Variants in TBC1D14 observed in about 807,000 individuals in gnomAD.
TBC1D14 encodes the protein TBC1 domain family member 14, also known as TBC1 domain family, member 14.
A neutral mutation model predicts 79.0 loss-of-function variants in TBC1D14; 26 were observed. That is an observed-to-expected ratio of 0.33 (90% CI 0.24 to 0.46). TBC1D14 has a LOEUF of 0.46. TBC1D14 is among the 20% of genes least tolerant of loss of function. The probability of loss-of-function intolerance (pLI) is 1.00; values close to 1 mark genes in which losing one functional copy is unlikely to be tolerated. For missense variants in TBC1D14, 769 were observed against 887.6 expected, an observed-to-expected ratio of 0.87 and a Z score of 1.70; for synonymous variants, 394 against 349.9, an observed-to-expected ratio of 1.13 and a Z score of -1.40.
At position 7,030,660 on chromosome 4, in the gene TBC1D14, G is replaced by A; in HGVS notation, c.*268G>A. Reference sequence around the variant, plus strand: ...CTGCACAGTTGAACGATGGGCAGTGGCTCACCCCCACTCCTTTATTTCAGC... The same window carrying A: ...CTGCACAGTTGAACGATGGGCAGTGACTCACCCCCACTCCTTTATTTCAGC... On this transcript the variant is annotated 3_prime_UTR_variant, in exon 14 of 14. Transcript: ENST00000409757. 1 of 369,916 alleles carries A rather than the reference G, an allele frequency of 2.7e-6. No homozygotes were observed. The highest frequency in any genetic ancestry group is 5.1e-6 in the Non-Finnish European group (1 of 194,638). 22.9% of individuals were successfully genotyped at this position (369,916 alleles called of 1,614,324 possible).
chr4:6,916,757 C>G (rs1334457177), intron 1 of TBC1D14, among the ~76,000 whole-genome samples: 1 of 152,204 alleles, frequency 6.6e-6, no homozygotes, highest in South Asian at 2.1e-4. Context: ...TCCTCTTATC[C>G]GTACTTCACA....
At chr4:7,007,292 G>C (rs988133190) in intron 9 of TBC1D14, among the ~76,000 whole-genome samples, 2 of 152,210 alleles carry the variant, frequency 1.3e-5, no homozygotes, top group African/African-American at 4.8e-5. Context: ...GGCAGGAAAA[G>C]CAGAGGGGAG....
At chr4:6,943,982 G>A (rs532281914) in intron 2 of TBC1D14, among the ~76,000 whole-genome samples, 2 of 152,316 alleles carry the variant, frequency 1.3e-5, no homozygotes, top group African/African-American at 2.4e-5. Flanking sequence ...TTCCGATCGC[G>A]GGCACGGCAC....
At chr4:7,014,814 A>G (rs914449939) in intron 12 of TBC1D14, among the ~76,000 whole-genome samples, 1 of 152,212 alleles carries the variant, frequency 6.6e-6, no homozygotes, top group Non-Finnish European at 1.5e-5. Flanking sequence ...GACCCGTCCT[A>G]AGCACCCGGC....
intron 11 of TBC1D14, 27 bp from the exon 12 acceptor site, chr4:7,014,421 T>C: frequency 6.7e-7 from 1 of 1,492,658 alleles, no homozygotes; most frequent in Non-Finnish European, 9.3e-7. Flanking sequence ...AGATAGTTTC[T>C]GAGTAAATTT....
chr4:6,997,963 G>A (rs1719237824), intron 5 of TBC1D14, among the ~76,000 whole-genome samples: 1 of 152,194 alleles, frequency 6.6e-6, no homozygotes, highest in South Asian at 2.1e-4. Flanking sequence ...CAGTATGAAT[G>A]TTCTTAATGC....
intron 2 of TBC1D14, among the ~76,000 whole-genome samples, chr4:6,931,350 C>T (rs1577475635): frequency 6.6e-6 from 1 of 152,242 alleles, no homozygotes; most frequent in South Asian, 2.1e-4. Context: ...CTGGTTTACA[C>T]AGCTGGGTTC....
chr4:6,956,856 G>C (rs962207590), intron 2 of TBC1D14, among the ~76,000 whole-genome samples: 3 of 152,232 alleles, frequency 2.0e-5, no homozygotes, highest in Non-Finnish European at 4.4e-5. Flanking sequence ...CAAGAGAGCC[G>C]CGGTTCCTCA....
intron 13 of TBC1D14, among the ~76,000 whole-genome samples, chr4:7,029,500 T>A (rs1329866109): frequency 6.6e-6 from 1 of 152,264 alleles, no homozygotes; most frequent in East Asian, 1.9e-4. Context: ...CCTGTTAGTG[T>A]TGCTGCAATT....
intron 3 of TBC1D14, among the ~76,000 whole-genome samples, chr4:6,977,048 T>TCCTCTCCCTCTCCCG (rs1716779054): frequency 1.3e-5 from 1 of 74,906 alleles, no homozygotes; most frequent in Non-Finnish European, 2.8e-5. Flanking sequence ...TCCCTCTCCC[T>TCCTCTCCCTCTCCCG]CCTCTCCCTC....
At chr4:6,965,514 C>T (rs147285767) in intron 2 of TBC1D14, among the ~76,000 whole-genome samples, 31 of 152,238 alleles carry the variant, frequency 2.0e-4, no homozygotes, top group Non-Finnish European at 4.1e-4. Context: ...TGTTGTTCCC[C>T]ATGCATCAGA....
intron 3 of TBC1D14, among the ~76,000 whole-genome samples, chr4:6,986,928 G>C (rs1189469563): frequency 2.0e-5 from 3 of 152,238 alleles, no homozygotes; most frequent in African/African-American, 7.2e-5. Flanking sequence ...GCCACCCAGA[G>C]CTCACTAGTG....
intron 2 of TBC1D14, among the ~76,000 whole-genome samples, chr4:6,925,365 G>T (rs1357521850): frequency 6.6e-6 from 1 of 152,186 alleles, no homozygotes; most frequent in Non-Finnish European, 1.5e-5. Flanking sequence ...CATTTCTGCA[G>T]TTGACCCTGG....
chr4:6,987,243 G>GCGTC (rs1717949329), intron 3 of TBC1D14: 3 of 1,263,698 alleles, frequency 2.4e-6, no homozygotes, highest in South Asian at 2.7e-5. Context: ...AGGAGCCGCC[G>GCGTC]CGTCCGCCCG....
At chr4:7,018,290 G>A (rs752124410) in intron 12 of TBC1D14, among the ~76,000 whole-genome samples, 3 of 152,188 alleles carry the variant, frequency 2.0e-5, no homozygotes, top group Non-Finnish European at 4.4e-5. Flanking sequence ...CCTCCTGCTC[G>A]CGGCAGGGGC....
At chr4:6,939,867 G>A (rs1000876570) in intron 2 of TBC1D14, among the ~76,000 whole-genome samples, 1 of 152,208 alleles carries the variant, frequency 6.6e-6, no homozygotes, top group Non-Finnish European at 1.5e-5. Context: ...AGTGGTGTGC[G>A]GGTGAAGCGT....
intron 13 of TBC1D14, among the ~76,000 whole-genome samples, chr4:7,026,482 G>T (rs1044117953): frequency 2.6e-5 from 4 of 152,240 alleles, no homozygotes; most frequent in Non-Finnish European, 5.9e-5. Flanking sequence ...TTGGAATCAA[G>T]ATCTAAATAA....
At chr4:6,918,097 C>T (rs1474942734) in intron 1 of TBC1D14, among the ~76,000 whole-genome samples, 1 of 152,168 alleles carries the variant, frequency 6.6e-6, no homozygotes, top group Non-Finnish European at 1.5e-5. Flanking sequence ...CTGTCCCTGG[C>T]CCCCCACCGC....
intron 1 of TBC1D14, among the ~76,000 whole-genome samples, chr4:6,911,477 A>G (rs1176955870): frequency 6.6e-6 from 1 of 152,146 alleles, no homozygotes; most frequent in Non-Finnish European, 1.5e-5. Context: ...GCTGGGCCTG[A>G]TTCCTGTTTG....
Sources: allele counts gnomAD v4.1 joint callset (sites outside exome capture counted in the v4.1 genomes callset), GRCh38; gene constraint gnomAD v4.1.1; transcripts MANE v1.5; gene names NCBI Gene and HGNC (gene_info 2026-07-23, HGNC 2026-07-21).